The following KAZN variants were observed in gnomAD, a reference collection of about 807,000 sequenced individuals.
The protein encoded by KAZN is kazrin, periplakin interacting protein.
In KAZN, 40 loss-of-function variants were observed where a neutral mutation model predicts 87.4. The ratio of observed to expected loss-of-function variants is 0.46; its 90% CI spans 0.36 to 0.60. The LOEUF is 0.60. Among genes scored for constraint, KAZN ranks in the 20% least tolerant of loss-of-function variants. The probability of loss-of-function intolerance (pLI) is 0.00; values close to 1 mark genes in which losing one functional copy is unlikely to be tolerated. For synonymous variants in KAZN, 466 were observed against 458.3 expected (o/e 1.02, Z -0.22); for missense variants, 898 against 1,073.9 (o/e 0.84, Z 2.29).
At chr1:14,236,772 A>T (rs1045026401) in intron 2 of KAZN, among the ~76,000 whole-genome samples, 2 of 151,948 alleles carry the variant, frequency 1.3e-5, no homozygotes, top group Non-Finnish European at 2.9e-5. Flanking sequence ...CAACAACAAC[A>T]AAAGAGCCGG....
chr1:13,904,324 C>A (rs998683583), intron 1 of KAZN, among the ~76,000 whole-genome samples: 4 of 152,126 alleles, frequency 2.6e-5, no homozygotes, highest in African/African-American at 9.7e-5. Flanking sequence ...CATTAATAGG[C>A]AACACCCTGT....
chr1:14,185,789 T>C (rs1309207842), intron 2 of KAZN, among the ~76,000 whole-genome samples: 1 of 152,222 alleles, frequency 6.6e-6, no homozygotes, highest in East Asian at 1.9e-4. Context: ...CATAAAATTG[T>C]AATACTCTTG....
At chr1:14,348,869 T>C (rs1391410352) in intron 2 of KAZN, 1 of 152,256 alleles carries the variant, frequency 6.6e-6, no homozygotes, top group East Asian at 1.9e-4. Flanking sequence ...TTCTACCTGA[T>C]GTGTTCAGAT....
At chr1:14,954,827 G>T (rs1317514543) in intron 1 of KAZN, among the ~76,000 whole-genome samples, 1 of 152,118 alleles carries the variant, frequency 6.6e-6, no homozygotes, top group Non-Finnish European at 1.5e-5. Context: ...GTGGTGGCAG[G>T]CGCCTGTAGT....
At chr1:14,288,111 G>A (rs1653397763) in intron 2 of KAZN, among the ~76,000 whole-genome samples, 1 of 152,214 alleles carries the variant, frequency 6.6e-6, no homozygotes, top group Admixed American at 6.5e-5. Flanking sequence ...TCACATCGAT[G>A]TTCATCAGGG....
At chr1:14,368,955 T>G (rs1460448853) in intron 2 of KAZN, among the ~76,000 whole-genome samples, 1 of 152,160 alleles carries the variant, frequency 6.6e-6, no homozygotes, top group African/African-American at 2.4e-5. Flanking sequence ...CCATTTCTGG[T>G]CCTGATCTTA....
At chr1:14,670,319 A>C (rs1639842944) in intron 1 of KAZN, among the ~76,000 whole-genome samples, 1 of 152,152 alleles carries the variant, frequency 6.6e-6, no homozygotes, top group Non-Finnish European at 1.5e-5. Flanking sequence ...AGCCTGAGCG[A>C]GCCTCAGAGG....
At chr1:14,468,624 A>C (rs759174516) in intron 2 of KAZN, among the ~76,000 whole-genome samples, 1 of 152,240 alleles carries the variant, frequency 6.6e-6, no homozygotes, top group Non-Finnish European at 1.5e-5. Flanking sequence ...CGGGAAGAAC[A>C]CATTTGCCCT....
At chr1:14,451,195 A>G (rs1008340071) in intron 2 of KAZN, among the ~76,000 whole-genome samples, 1 of 152,158 alleles carries the variant, frequency 6.6e-6, no homozygotes, top group Non-Finnish European at 1.5e-5. Context: ...CTTTCTTTAT[A>G]GTAATGCAAG....
At chr1:15,046,252 C>T (rs1673494168) in intron 4 of KAZN, among the ~76,000 whole-genome samples, 2 of 149,164 alleles carry the variant, frequency 1.3e-5, no homozygotes, top group Non-Finnish European at 1.5e-5. Flanking sequence ...GAGCCAAGGT[C>T]AAGCCGCTGC....
chr1:14,752,084 A>G (rs1644428325), intron 1 of KAZN, among the ~76,000 whole-genome samples: 1 of 152,182 alleles, frequency 6.6e-6, no homozygotes, highest in South Asian at 2.1e-4. Flanking sequence ...ATGGTGAGAA[A>G]GGAAGCAAGA....
intron 1 of KAZN, chr1:14,946,008 C>A: frequency 1.5e-6 from 1 of 655,942 alleles, no homozygotes. Flanking sequence ...GGCATTGGCA[C>A]AGCAGCCCTG....
chr1:15,093,391 G>A (rs1170190995), intron 8 of KAZN, among the ~76,000 whole-genome samples: 1 of 152,072 alleles, frequency 6.6e-6, no homozygotes, highest in Non-Finnish European at 1.5e-5. Flanking sequence ...ATTTGTCAAA[G>A]TTAAGGACGC....
At chr1:14,865,666 G>C (rs1651368080) in intron 1 of KAZN, among the ~76,000 whole-genome samples, 1 of 152,166 alleles carries the variant, frequency 6.6e-6, no homozygotes, top group South Asian at 2.1e-4. Context: ...CCTGTACTGG[G>C]TTGGATTATG....
Position 14,949,526 on chromosome 1 carries a change from T to C in KAZN, c.227-11158T>C, listed in dbSNP as rs2101694983. 6.6e-6 allele frequency among the ~76,000 whole-genome samples: 1 copy of C among 152,220 alleles called. No individual in the cohort carries two copies. The highest frequency in any genetic ancestry group is 1.9e-4 in the East Asian group (1 of 5,176). Reference sequence around the variant, plus strand: ...CTCTGGTGGCAGGCAGGTGCCTGCCTCTCCCACCCCCACCCAGATGGTGTT... The same window carrying C: ...CTCTGGTGGCAGGCAGGTGCCTGCCCCTCCCACCCCCACCCAGATGGTGTT... On this transcript the variant is annotated intron_variant, in intron 1 of 14. Transcript: ENST00000376030. The surrounding 1 kb of genome is among the most constrained non-coding windows in gnomAD (Gnocchi z 4.3).
At chr1:14,525,171 T>C (rs913473098) in intron 2 of KAZN, among the ~76,000 whole-genome samples, 1 of 152,270 alleles carries the variant, frequency 6.6e-6, no homozygotes, top group African/African-American at 2.4e-5. Context: ...CATGTATGTG[T>C]ATGTAACAGA....
intron 1 of KAZN, among the ~76,000 whole-genome samples, chr1:14,666,238 G>T (rs1265394684): frequency 1.3e-5 from 2 of 151,862 alleles, no homozygotes; most frequent in Non-Finnish European, 2.9e-5. Flanking sequence ...ATTGAATATG[G>T]GACAAAGCAT....
intron 5 of KAZN, among the ~76,000 whole-genome samples, chr1:15,057,573 A>T (rs1251237302): frequency 6.6e-6 from 1 of 152,048 alleles, no homozygotes; most frequent in East Asian, 1.9e-4. Context: ...CCCTCCCTTC[A>T]CTGTCTGACC....
At chr1:14,255,660 C>A (rs1017658706) in intron 2 of KAZN, among the ~76,000 whole-genome samples, 2 of 152,218 alleles carry the variant, frequency 1.3e-5, no homozygotes, top group East Asian at 3.8e-4. Context: ...GGTGTGACTT[C>A]CACAATGGTC....
Sources: allele counts gnomAD v4.1 joint callset (sites outside exome capture counted in the v4.1 genomes callset), GRCh38; gene constraint gnomAD v4.1.1; non-coding constraint Gnocchi (gnomAD v3.1); transcripts MANE v1.5; gene names NCBI Gene and HGNC (gene_info 2026-07-23, HGNC 2026-07-21).